PHACTR1: variants seen among roughly 807,000 people sequenced by gnomAD.
PHACTR1 encodes the protein RPEL repeat containing 1.
A neutral mutation model predicts 69.2 loss-of-function variants in PHACTR1; 16 were observed. The observed-to-expected ratio is 0.23, with a 90% CI of 0.16 to 0.35. The LOEUF (loss-of-function observed/expected upper bound fraction) is 0.35. Ranked by LOEUF, PHACTR1 falls within the 10% of genes least tolerant of loss-of-function variation. The pLI is 1.00. For synonymous variants in PHACTR1, 312 were observed against 284.5 expected, an observed-to-expected ratio of 1.10 and a Z score of -0.97; for missense variants, 510 against 734.7, an observed-to-expected ratio of 0.69 and a Z score of 3.54.
At chr6:13,226,704 G>A (rs1009890837) in intron 8 of PHACTR1, among the ~76,000 whole-genome samples, 11 of 151,752 alleles carry the variant, frequency 7.2e-5, no homozygotes, top group Middle Eastern at 3.5e-3. Flanking sequence ...TTGATGACAC[G>A]CATGTAGTAA....
intron 7 of PHACTR1, among the ~76,000 whole-genome samples, chr6:13,205,419 G>A (rs145884631): frequency 7.2e-5 from 11 of 152,270 alleles, no homozygotes; most frequent in African/African-American, 2.4e-4. Flanking sequence ...TTTTTGCAGG[G>A]ACAAACTGCA....
chr6:13,087,997 T>C (rs1411043381), intron 5 of PHACTR1, among the ~76,000 whole-genome samples: 2 of 152,058 alleles, frequency 1.3e-5, no homozygotes, highest in Non-Finnish European at 2.9e-5. Context: ...AATCACCATA[T>C]TGAAGGGCGA....
chr6:12,936,361 C>T (rs1789449418), intron 4 of PHACTR1, among the ~76,000 whole-genome samples: 1 of 152,074 alleles, frequency 6.6e-6, no homozygotes, highest in Non-Finnish European at 1.5e-5. Context: ...AGTGTCTGCA[C>T]ACAAAATTAG....
chr6:12,944,777 A>ATTTAT (rs1554172498), intron 4 of PHACTR1, among the ~76,000 whole-genome samples: 2 of 135,764 alleles, frequency 1.5e-5, no homozygotes, highest in African/African-American at 5.8e-5. Flanking sequence ...TTATTTATTT[A>ATTTAT]TTTTTATTTA....
At chr6:13,113,784 T>C (rs1353193384) in intron 5 of PHACTR1, among the ~76,000 whole-genome samples, 1 of 152,162 alleles carries the variant, frequency 6.6e-6, no homozygotes, top group Non-Finnish European at 1.5e-5. Flanking sequence ...AAAACTATTT[T>C]ACAATTATGA....
chr6:13,077,054 C>T (rs1197229684), intron 5 of PHACTR1, among the ~76,000 whole-genome samples: 1 of 146,114 alleles, frequency 6.8e-6, no homozygotes, highest in East Asian at 2.0e-4. Context: ...AACTAACCTG[C>T]ACAATGTGCA....
At chr6:12,779,769 G>A (rs760257871) in intron 4 of PHACTR1, among the ~76,000 whole-genome samples, 1 of 152,154 alleles carries the variant, frequency 6.6e-6, no homozygotes, top group Non-Finnish European at 1.5e-5. Flanking sequence ...CTATGGCAGG[G>A]TTGCCCAGCA....
intron 4 of PHACTR1, among the ~76,000 whole-genome samples, chr6:12,974,706 T>G (rs997206189): frequency 6.6e-5 from 10 of 152,220 alleles, no homozygotes; most frequent in Non-Finnish European, 1.5e-4. Flanking sequence ...AGGAAGTATG[T>G]GCTGGGTCTT....
chr6:12,843,969 A>G (rs889893937), intron 4 of PHACTR1, among the ~76,000 whole-genome samples: 3 of 152,238 alleles, frequency 2.0e-5, no homozygotes, highest in African/African-American at 7.2e-5. Flanking sequence ...TTTCAGCTCT[A>G]TCCTCACTTG....
At chr6:13,084,268 G>C (rs1287118190) in intron 5 of PHACTR1, among the ~76,000 whole-genome samples, 2 of 149,822 alleles carry the variant, frequency 1.3e-5, no homozygotes, top group Non-Finnish European at 3.0e-5. Context: ...GCAAACTATC[G>C]CAAGGACAAA....
chr6:12,973,146 T>G (rs1182577517), intron 4 of PHACTR1, among the ~76,000 whole-genome samples: 1 of 152,100 alleles, frequency 6.6e-6, no homozygotes, highest in African/African-American at 2.4e-5. Context: ...ATTCACAGGG[T>G]CAGGATTAGG....
At chr6:12,760,587 A>T (rs1007195675) in intron 4 of PHACTR1, among the ~76,000 whole-genome samples, 4 of 152,160 alleles carry the variant, frequency 2.6e-5, no homozygotes, top group Non-Finnish European at 5.9e-5. Flanking sequence ...GGAGAAATAG[A>T]ACACAACCTT....
intron 10 of PHACTR1, among the ~76,000 whole-genome samples, chr6:13,240,316 T>C (rs1772642054): frequency 6.6e-6 from 1 of 152,160 alleles, no homozygotes. Context: ...CAGCAACTTT[T>C]TGTTCTCAGG....
At chr6:13,142,754 A>T (rs1436846805) in intron 5 of PHACTR1, among the ~76,000 whole-genome samples, 1 of 152,020 alleles carries the variant, frequency 6.6e-6, no homozygotes, top group Non-Finnish European at 1.5e-5. Context: ...TATTCCATTC[A>T]TCTCTATGCC....
chr6:12,933,857 G>A (rs1789148818), intron 4 of PHACTR1: 1 of 1,612,602 alleles, frequency 6.2e-7, no homozygotes, highest in Non-Finnish European at 8.5e-7. Flanking sequence ...AAGGAGGGTG[G>A]TTTGGCTGCC....
At chr6:13,162,433 T>C (rs1759181905) in intron 6 of PHACTR1, among the ~76,000 whole-genome samples, 1 of 151,978 alleles carries the variant, frequency 6.6e-6, no homozygotes, top group Non-Finnish European at 1.5e-5. Flanking sequence ...GGCCCCTCCC[T>C]TGTTCTAACT....
chr6:13,067,177 T>C (rs1808777443), intron 5 of PHACTR1, among the ~76,000 whole-genome samples: 1 of 152,232 alleles, frequency 6.6e-6, no homozygotes, highest in Admixed American at 6.5e-5. Context: ...TGAAATATAC[T>C]TGACCCTTTC....
At chr6:13,168,264 A>C (rs1017500953) in intron 6 of PHACTR1, among the ~76,000 whole-genome samples, 4 of 152,234 alleles carry the variant, frequency 2.6e-5, no homozygotes, top group African/African-American at 9.6e-5. Flanking sequence ...AACAAAATCC[A>C]CCTTTGAAAA....
intron 4 of PHACTR1, among the ~76,000 whole-genome samples, chr6:13,022,287 C>G (rs1216770201): frequency 6.6e-6 from 1 of 152,200 alleles, no homozygotes; most frequent in Non-Finnish European, 1.5e-5. Context: ...TCCGACGCCT[C>G]TACCTGCTTT....
Sources: gnomAD v4.1 joint callset for allele counts (sites outside exome capture counted in the v4.1 genomes callset) on GRCh38, gnomAD v4.1.1 for gene constraint, MANE v1.5 for transcripts, NCBI Gene and HGNC (gene_info 2026-07-23, HGNC 2026-07-21) for gene names.